The following SKIC3 variants were observed in gnomAD, a reference collection of about 807,000 sequenced individuals.
SKIC3 encodes the protein SKI3 subunit of superkiller complex.
chr5:95,499,521 T>C, the SKIC3 span, among the ~76,000 whole-genome samples: 2 of 152,206 alleles, frequency 1.3e-5, no homozygotes, highest in Non-Finnish European at 2.9e-5. Flanking sequence ...GTATTTCTTA[T>C]AGCAGTGTGA....
chr5:95,541,818 T>C, the SKIC3 span: 1 of 1,606,070 alleles, frequency 6.2e-7, no homozygotes, highest in South Asian at 1.1e-5. Flanking sequence ...TTCTTACCTC[T>C]CATAAAGATC....
the SKIC3 span, chr5:95,464,747 T>C: frequency 2.2e-6 from 3 of 1,375,480 alleles, no homozygotes; most frequent in Non-Finnish European, 3.1e-6. Context: ...TTTTGATTCA[T>C]TGAAGCCAAG....
chr5:95,488,291 T>G, the SKIC3 span, among the ~76,000 whole-genome samples: 37 of 152,262 alleles, frequency 2.4e-4, 1 homozygote, highest in East Asian at 5.4e-3. Context: ...ATATCCCAAT[T>G]CTAGCAAGAG....
chr5:95,530,243 G>T, the SKIC3 span: 2 of 1,612,250 alleles, frequency 1.2e-6, no homozygotes, highest in South Asian at 1.1e-5. Context: ...GAATTAAAAG[G>T]AAAGGTTATT....
chr5:95,548,661 C>A, the SKIC3 span: 3 of 151,618 alleles, frequency 2.0e-5, no homozygotes, highest in East Asian at 5.8e-4. Context: ...AATTTCAATG[C>A]TGATTTCACA....
the SKIC3 span, chr5:95,541,384 A>G: frequency 1.2e-6 from 2 of 1,613,552 alleles, no homozygotes; most frequent in South Asian, 2.2e-5. Flanking sequence ...GTCAACACTT[A>G]GAACAAAACA....
At chr5:95,482,156 C>T in the SKIC3 span, among the ~76,000 whole-genome samples, 1 of 152,290 alleles carries the variant, frequency 6.6e-6, no homozygotes, top group African/African-American at 2.4e-5. Context: ...CAGAGTTAAA[C>T]ACCATTATGA....
At chr5:95,498,403 G>A in the SKIC3 span, 2 of 1,614,166 alleles carry the variant, frequency 1.2e-6, no homozygotes, top group South Asian at 1.1e-5. Context: ...TTTTTGCACA[G>A]CCACACTGCG....
At chr5:95,543,053 A>G in the SKIC3 span, 2 of 1,167,232 alleles carry the variant, frequency 1.7e-6, no homozygotes, top group African/African-American at 3.1e-5. Context: ...TAGAAAACCA[A>G]TAAATTTAAA....
chr5:95,518,746 T>C, the SKIC3 span, among the ~76,000 whole-genome samples: 4 of 152,238 alleles, frequency 2.6e-5, no homozygotes, highest in African/African-American at 9.6e-5. Flanking sequence ...ATCTCGACTA[T>C]TGTGAATAGT....
the SKIC3 span, chr5:95,543,252 G>A: frequency 5.0e-6 from 8 of 1,613,922 alleles, no homozygotes; most frequent in Non-Finnish European, 6.8e-6. Context: ...GCCTGATCAG[G>A]TTGTTCTAGT....
chr5:95,521,045 T>A, the SKIC3 span, among the ~76,000 whole-genome samples: 2 of 152,036 alleles, frequency 1.3e-5, no homozygotes, highest in South Asian at 4.1e-4. Flanking sequence ...AAAAAAGTTA[T>A]CTACAGAACC....
the SKIC3 span, among the ~76,000 whole-genome samples, chr5:95,530,803 T>G: frequency 1.3e-5 from 2 of 152,200 alleles, no homozygotes; most frequent in Non-Finnish European, 2.9e-5. Flanking sequence ...TATGAGATAG[T>G]CATCCAATGC....
At chr5:95,469,656 C>T in the SKIC3 span, 11 of 1,292,376 alleles carry the variant, frequency 8.5e-6, no homozygotes, top group Non-Finnish European at 1.1e-5. Flanking sequence ...TATATAAATA[C>T]CCCCCAAAGT....
chr5:95,525,516 C>T, the SKIC3 span: 8 of 1,613,514 alleles, frequency 5.0e-6, no homozygotes, highest in African/African-American at 2.7e-5. Flanking sequence ...AAAGTAGACA[C>T]CTGTCAATTC....
chr5:95,474,305 G>A, the SKIC3 span, among the ~76,000 whole-genome samples: 10 of 151,926 alleles, frequency 6.6e-5, no homozygotes, highest in African/African-American at 4.8e-5. Context: ...AATTCCCTCA[G>A]TATTTGCTTG....
the SKIC3 span, chr5:95,523,167 G>C: frequency 6.2e-6 from 10 of 1,612,704 alleles, no homozygotes; most frequent in Admixed American, 1.7e-5. Flanking sequence ...CGTTATGCTT[G>C]TCTAACATAG....
At chr5:95,517,455 A>T in the SKIC3 span, 1 of 984,172 alleles carries the variant, frequency 1.0e-6, no homozygotes, top group Non-Finnish European at 1.5e-6. Flanking sequence ...GAATCATATC[A>T]TATCACCTCC....
At chr5:95,499,403 G>C in the SKIC3 span, among the ~76,000 whole-genome samples, 1 of 152,086 alleles carries the variant, frequency 6.6e-6, no homozygotes, top group Non-Finnish European at 1.5e-5. Flanking sequence ...TGTCATGATT[G>C]TAAGTTTCCT....
Sources: gnomAD v4.1 joint callset for allele counts (sites outside exome capture counted in the v4.1 genomes callset) on GRCh38, gnomAD v4.1.1 for gene constraint, MANE v1.5 for transcripts, NCBI Gene and HGNC (gene_info 2026-07-23, HGNC 2026-07-21) for gene names.